Variants in TOM1L2 observed in about 807,000 individuals in gnomAD.
TOM1L2 encodes the protein TOM1-like protein 2.
In TOM1L2, 31 loss-of-function variants were observed where a neutral mutation model predicts 67.9. The observed-to-expected ratio is 0.46, with a 90% CI of 0.34 to 0.62. The LOEUF (loss-of-function observed/expected upper bound fraction) is 0.62, where lower values mean the gene tolerates loss of function less well. Among genes scored for constraint, TOM1L2 ranks in the 20% least tolerant of loss-of-function variants. The pLI, the probability that TOM1L2 is intolerant of heterozygous loss-of-function variation, is 0.01. For synonymous variants in TOM1L2, 256 were observed against 254.0 expected (o/e 1.01, Z -0.07); for missense variants, 606 against 663.5 (o/e 0.91, Z 0.95).
chr17:17,912,970 G>A (rs1045454871), intron 1 of TOM1L2, among the ~76,000 whole-genome samples: 2 of 152,244 alleles, frequency 1.3e-5, no homozygotes, highest in Non-Finnish European at 2.9e-5. Flanking sequence ...GATCGCTCGC[G>A]GTTAGGAGCT....
chr17:17,861,537 T>C lies in TOM1L2; in HGVS notation c.1217A>G (p.Asp406Gly), dbSNP rs1323137249. The change falls in exon 12 of 15, where the codon GAT becomes GGT. Residue 406 changes from aspartate (D) to glycine (G), a missense_variant. By Grantham distance (94) the Asp-to-Gly change is moderately conservative. Transcript: ENST00000379504. Reference sequence around the variant, plus strand: ...AGCAAGTCCTCCGACAGCCTGAGGATCCTCATAGGTTACCCTGGAGATGAA... The same window carrying C: ...AGCAAGTCCTCCGACAGCCTGAGGACCCTCATAGGTTACCCTGGAGATGAA... Reference protein sequence around the residue: ...AEQRKTVTYEDPQAVGGLASA... With the variant: ...AEQRKTVTYEGPQAVGGLASA... 6.2e-7 allele frequency: 1 copy of C among 1,614,102 alleles called. No individual in the cohort carries two copies. Among genetic ancestry groups the C allele is most frequent in the Non-Finnish European group, 8.5e-7 (1 of 1,180,000 alleles).
intron 10 of TOM1L2, among the ~76,000 whole-genome samples, chr17:17,864,533 A>G (rs1194840313): frequency 7.2e-6 from 1 of 139,712 alleles, no homozygotes; most frequent in African/African-American, 2.7e-5. Context: ...CTTTTTTGAG[A>G]TGGCATCTTG....
At position 17,933,684 on chromosome 17, in the gene TOM1L2, T is replaced by C. The variant is rs756119930; in HGVS notation, c.53-26153A>G. ...TAAAATGTTTAGCCTGGTGGAGCCATAATAGTTGTCTGATGGATATTTACT... is the reference window on the plus strand; with the variant it reads ...TAAAATGTTTAGCCTGGTGGAGCCACAATAGTTGTCTGATGGATATTTACT... On this transcript the variant is annotated intron_variant, in intron 1 of 14. Coordinates refer to ENST00000379504, the MANE Select transcript of TOM1L2 (RefSeq NM_001082968.2). Among the ~76,000 whole-genome samples the C allele has an allele frequency of 7.9e-5, 12 of 152,272 alleles. No homozygotes were observed. In the East Asian group the frequency reaches 1.9e-3, roughly 24 times the overall value.
chr17:17,893,805 C>T lies in TOM1L2; in HGVS notation c.222G>A (p.Leu74=). Residue 74 remains leucine, a synonymous_variant, in exon 4 of 15, where the codon CTG becomes CTA. Coordinates refer to ENST00000379504, the MANE Select transcript of TOM1L2 (RefSeq NM_001082968.2). ...YREVMLALTV[L]ETCVKNCGHR... is the part of the protein sequence containing the mutation. ...GGCCACAGTTCTTCACACATGTCTCCAGCACCTGATGTGGGGAGGGAAGGA... is the reference window on the plus strand; with the variant it reads ...GGCCACAGTTCTTCACACATGTCTCTAGCACCTGATGTGGGGAGGGAAGGA... 2 of 1,613,850 alleles carry T rather than the reference C, an allele frequency of 1.2e-6. No individual in the cohort carries two copies. Among genetic ancestry groups the T allele is most frequent in the Non-Finnish European group, 1.7e-6 (2 of 1,179,860 alleles).
chr17:17,923,520 CAAAA>C (rs1051134824), intron 1 of TOM1L2, among the ~76,000 whole-genome samples: 1 of 150,528 alleles, frequency 6.6e-6, no homozygotes, highest in Non-Finnish European at 1.5e-5. Flanking sequence ...CCTGTCTCTA[CAAAA>C]AAAAATTTTT....
chr17:17,935,758 G>T (rs2040490477), intron 1 of TOM1L2, among the ~76,000 whole-genome samples: 1 of 152,186 alleles, frequency 6.6e-6, no homozygotes, highest in Non-Finnish European at 1.5e-5. Context: ...AAGGAACGAG[G>T]TCACAAGTGA....
At chr17:17,884,567 G>A (rs2037894936) in intron 5 of TOM1L2, 67 bp downstream of exon 5, 1 of 1,593,276 alleles carries the variant, frequency 6.3e-7, no homozygotes, top group African/African-American at 1.3e-5. Context: ...GCAGAAGGGT[G>A]GCTGCAGCAG....
intron 1 of TOM1L2, among the ~76,000 whole-genome samples, chr17:17,928,692 C>T (rs558071129): frequency 1.3e-5 from 2 of 152,306 alleles, no homozygotes; most frequent in South Asian, 4.1e-4. Flanking sequence ...TCCTCATGGA[C>T]CTGCCTTCCC....
At chr17:17,885,662 T>C (rs547957805) in intron 4 of TOM1L2, among the ~76,000 whole-genome samples, 4 of 152,134 alleles carry the variant, frequency 2.6e-5, no homozygotes, top group Non-Finnish European at 5.9e-5. Context: ...CGGTGGCTCA[T>C]GCCTGTAATC....
intron 1 of TOM1L2, among the ~76,000 whole-genome samples, chr17:17,922,962 C>G (rs187896804): frequency 9.2e-5 from 14 of 152,304 alleles, no homozygotes; most frequent in Middle Eastern, 3.4e-3. Flanking sequence ...CAGGCACCAA[C>G]TAGCCTGTGA....
intron 4 of TOM1L2, among the ~76,000 whole-genome samples, chr17:17,891,625 G>T (rs560321447): frequency 3.5e-4 from 53 of 152,310 alleles, no homozygotes; most frequent in African/African-American, 1.1e-3. Context: ...GACAGGCCTC[G>T]GGGTCAGAAA....
At chr17:17,850,744 G>A (rs2035922588) in intron 13 of TOM1L2, 149 bp downstream of exon 13, 6 of 798,680 alleles carry the variant, frequency 7.5e-6, no homozygotes, top group African/African-American at 1.7e-5. Flanking sequence ...TGTCGGGGAG[G>A]AGGGGCAGCT....
At chr17:17,950,722 T>C (rs867966449) in intron 1 of TOM1L2, among the ~76,000 whole-genome samples, 3 of 152,180 alleles carry the variant, frequency 2.0e-5, no homozygotes, top group South Asian at 2.1e-4. Context: ...TACTTTTCAA[T>C]TGAGAGTGAT....
intron 7 of TOM1L2, among the ~76,000 whole-genome samples, chr17:17,874,138 T>C (rs1037666623): frequency 3.3e-5 from 5 of 151,994 alleles, no homozygotes; most frequent in African/African-American, 1.2e-4. Flanking sequence ...TGTATTTTAA[T>C]AGAGACGGGG....
chr17:17,951,708 C>G (rs1016137053), intron 1 of TOM1L2, among the ~76,000 whole-genome samples: 2 of 152,206 alleles, frequency 1.3e-5, no homozygotes, highest in Non-Finnish European at 2.9e-5. Flanking sequence ...GGCAGCTCCA[C>G]CAGCAGGCAT....
intron 1 of TOM1L2, among the ~76,000 whole-genome samples, chr17:17,920,454 C>A (rs985387739): frequency 3.3e-5 from 5 of 150,212 alleles, no homozygotes; most frequent in Non-Finnish European, 7.4e-5. Flanking sequence ...AATTCTCCAG[C>A]CTCAGTCTCC....
At chr17:17,945,089 T>C (rs1338430353) in intron 1 of TOM1L2, among the ~76,000 whole-genome samples, 2 of 152,194 alleles carry the variant, frequency 1.3e-5, no homozygotes, top group African/African-American at 4.8e-5. Context: ...TCATCTGACC[T>C]TTGCAAATAC....
intron 1 of TOM1L2, among the ~76,000 whole-genome samples, chr17:17,945,449 A>G (rs1050343540): frequency 1.3e-5 from 2 of 152,170 alleles, no homozygotes; most frequent in East Asian, 1.9e-4. Flanking sequence ...ATCAAAACAA[A>G]CATGGATTTC....
intron 1 of TOM1L2, among the ~76,000 whole-genome samples, chr17:17,915,841 GTTTTTTT>G (rs34675283): frequency 7.7e-6 from 1 of 130,352 alleles, no homozygotes; most frequent in South Asian, 2.5e-4. Context: ...AACTGAGTAG[GTTTTTTT>G]TTTTTTTTTT....
Sources: gnomAD v4.1 joint callset for allele counts (sites outside exome capture counted in the v4.1 genomes callset) on GRCh38, gnomAD v4.1.1 for gene constraint, MANE v1.5 for transcripts, NCBI Gene and HGNC (gene_info 2026-07-23, HGNC 2026-07-21) for gene names.